The following FGF14 variants were observed in gnomAD, a reference collection of about 807,000 sequenced individuals.
FGF14 encodes fibroblast growth factor homologous factor 4.
In FGF14, 5 loss-of-function variants were observed where a neutral mutation model predicts 25.5. The observed-to-expected ratio is 0.20, with a 90% CI of 0.10 to 0.41. FGF14 has a LOEUF of 0.41. FGF14 is among the 10% of genes least tolerant of loss of function. FGF14 has a pLI of 1.00. For missense variants in FGF14, 222 were observed against 320.1 expected, an observed-to-expected ratio of 0.69 and a Z score of 2.34; for synonymous variants, 138 against 118.3, an observed-to-expected ratio of 1.17 and a Z score of -1.08.
chr13:101,939,311 A>T (rs2035295205), intron 1 of FGF14, among the ~76,000 whole-genome samples: 1 of 152,180 alleles, frequency 6.6e-6, no homozygotes, highest in African/African-American at 2.4e-5. Flanking sequence ...TCCTAAAAAT[A>T]CGTTTAAAGT....
At chr13:101,890,266 T>C (rs2046200770) in intron 1 of FGF14, among the ~76,000 whole-genome samples, 1 of 152,166 alleles carries the variant, frequency 6.6e-6, no homozygotes, top group African/African-American at 2.4e-5. Context: ...CTCATGACTT[T>C]CTTTCTTTCT....
At chr13:102,327,000 A>G (rs1391311746) in intron 1 of FGF14, among the ~76,000 whole-genome samples, 1 of 152,214 alleles carries the variant, frequency 6.6e-6, no homozygotes, top group Non-Finnish European at 1.5e-5. Flanking sequence ...AGTTCAACCC[A>G]GCATAAGATA....
In FGF14 at chr13:101,758,689, T is replaced by C. The variant is rs961740433; in HGVS notation, c.409-31879A>G. Among the ~76,000 whole-genome samples, 9 of 152,300 alleles carry C rather than the reference T, an allele frequency of 5.9e-5. No homozygotes were observed. In the East Asian group the frequency reaches 1.7e-3, roughly 29 times the overall value. On this transcript the variant is annotated intron_variant, in intron 3 of 4. Coordinates refer to ENST00000376143, the MANE Select transcript of FGF14 (RefSeq NM_004115.4). ...CCTAACTTTCTAGTTCTCTATGTGG[T>C]TGGCAACAAATCGAAAAAGTCCATG...
intron 1 of FGF14, among the ~76,000 whole-genome samples, chr13:102,258,191 T>C (rs2052542061): frequency 6.6e-6 from 1 of 152,040 alleles, no homozygotes; most frequent in Non-Finnish European, 1.5e-5. Context: ...GACTCAATTA[T>C]CTCCCACCAG....
At chr13:102,192,084 C>G (rs745655632) in intron 1 of FGF14, among the ~76,000 whole-genome samples, 3 of 152,210 alleles carry the variant, frequency 2.0e-5, no homozygotes, top group Non-Finnish European at 4.4e-5. Context: ...GCCCCACCCC[C>G]AGGCTTTAGT....
At chr13:101,788,789 A>G (rs1425437908) in intron 3 of FGF14, among the ~76,000 whole-genome samples, 4 of 149,314 alleles carry the variant, frequency 2.7e-5, no homozygotes, top group East Asian at 4.0e-4. Flanking sequence ...AGGATTTTGG[A>G]TATTTCTTTG....
chr13:102,357,044 G>T (rs1429496520), intron 1 of FGF14, among the ~76,000 whole-genome samples: 1 of 151,224 alleles, frequency 6.6e-6, no homozygotes, highest in African/African-American at 2.4e-5. Context: ...GGAAGTGGTG[G>T]AGGAGCAGGG....
intron 1 of FGF14, among the ~76,000 whole-genome samples, chr13:102,281,777 C>T (rs1410611200): frequency 6.6e-6 from 1 of 151,034 alleles, no homozygotes; most frequent in East Asian, 1.9e-4. Context: ...TTTCTCATCT[C>T]TCCCAGCTTC....
intron 1 of FGF14, among the ~76,000 whole-genome samples, chr13:101,999,366 G>A (rs1033917721): frequency 3.9e-5 from 6 of 152,096 alleles, no homozygotes; most frequent in South Asian, 2.1e-4. Flanking sequence ...AGTCTGGGTC[G>A]CCCACAGCAT....
chr13:102,400,475 C>T lies in FGF14; in HGVS notation c.208+996G>A, dbSNP rs2139291998. ...AGGCTGCGCCCAGCCTCCTCGCCAG[C>T]GCCGCCGCCACCACCATGCAGCCCT... On this transcript the variant is annotated intron_variant, in intron 1 of 4. Coordinates refer to the FGF14 transcript ENST00000376131. This position sits in a 1 kb window ranked among gnomAD's most constrained non-coding sequence, Gnocchi z 4.3. Among the ~76,000 whole-genome samples the T allele has an allele frequency of 6.6e-6, 1 of 152,318 alleles. No individual in the cohort carries two copies. The highest frequency in any genetic ancestry group is 1.9e-4 in the East Asian group (1 of 5,178).
At chr13:102,389,746 C>T (rs1595034828) in intron 1 of FGF14, among the ~76,000 whole-genome samples, 1 of 152,150 alleles carries the variant, frequency 6.6e-6, no homozygotes, top group Non-Finnish European at 1.5e-5. Flanking sequence ...GACACAAATC[C>T]GCTGTGAGCA....
chr13:102,008,223 C>G (rs1348999961), intron 1 of FGF14, among the ~76,000 whole-genome samples: 1 of 152,192 alleles, frequency 6.6e-6, no homozygotes, highest in African/African-American at 2.4e-5. Flanking sequence ...GAGACTGGCA[C>G]AAATCTTTAC....
chr13:102,166,657 A>G (rs2048026620), intron 1 of FGF14, among the ~76,000 whole-genome samples: 1 of 152,164 alleles, frequency 6.6e-6, no homozygotes, highest in Non-Finnish European at 1.5e-5. Flanking sequence ...TGTCCCTTAC[A>G]GGGAAAATAC....
At chr13:102,164,029 C>T (rs1383222199) in intron 1 of FGF14, among the ~76,000 whole-genome samples, 2 of 152,138 alleles carry the variant, frequency 1.3e-5, no homozygotes, top group Non-Finnish European at 2.9e-5. Context: ...TGTCCTTTCT[C>T]CCTGTTGACC....
At chr13:102,264,756 G>C (rs2052902329) in intron 1 of FGF14, among the ~76,000 whole-genome samples, 2 of 152,112 alleles carry the variant, frequency 1.3e-5, no homozygotes, top group Non-Finnish European at 1.5e-5. Flanking sequence ...GTTTCCCTCA[G>C]AGGAACCATG....
intron 1 of FGF14, among the ~76,000 whole-genome samples, chr13:102,231,849 G>A (rs1422320840): frequency 6.6e-6 from 1 of 152,184 alleles, no homozygotes; most frequent in African/African-American, 2.4e-5. Flanking sequence ...CAGTATGGCA[G>A]TAATTCCCAA....
intron 1 of FGF14, among the ~76,000 whole-genome samples, chr13:102,158,208 G>C (rs1467072278): frequency 2.0e-5 from 3 of 152,152 alleles, no homozygotes; most frequent in Non-Finnish European, 2.9e-5. Context: ...CTGCTGTAAA[G>C]ACACATGCAC....
intron 3 of FGF14, among the ~76,000 whole-genome samples, chr13:101,740,677 G>T (rs370480237): frequency 6.6e-6 from 1 of 151,982 alleles, no homozygotes; most frequent in Admixed American, 6.6e-5. Context: ...AAAAAAAAGC[G>T]TAAGAGTATA....
intron 3 of FGF14, among the ~76,000 whole-genome samples, chr13:101,813,319 T>C (rs1301590581): frequency 6.6e-6 from 1 of 152,144 alleles, no homozygotes. Context: ...AGGTGGGGGC[T>C]TTAGGAGGAG....
Sources: allele counts gnomAD v4.1 joint callset (sites outside exome capture counted in the v4.1 genomes callset), GRCh38; gene constraint gnomAD v4.1.1; non-coding constraint Gnocchi (gnomAD v3.1); transcripts MANE v1.5; gene names NCBI Gene and HGNC (gene_info 2026-07-23, HGNC 2026-07-21).